The following SKI variants were observed in gnomAD, a reference collection of about 807,000 sequenced individuals.
The protein encoded by SKI is ski oncogene.
A neutral mutation model predicts 59.3 loss-of-function variants in SKI; 23 were observed. The observed-to-expected ratio is 0.39, with a 90% CI of 0.28 to 0.55. SKI has a LOEUF of 0.55. SKI is among the 20% of genes least tolerant of loss of function. SKI has a pLI of 0.67. For synonymous variants in SKI, 673 were observed against 488.6 expected, an observed-to-expected ratio of 1.38 and a Z score of -4.98; for missense variants, 1,017 against 1,038.9, an observed-to-expected ratio of 0.98 and a Z score of 0.29.
At chr1:2,302,093 C>T (rs763951729) in intron 1 of SKI, among the ~76,000 whole-genome samples, 6 of 152,230 alleles carry the variant, frequency 3.9e-5, no homozygotes, top group Admixed American at 6.5e-5. Context: ...CTGGATGTAC[C>T]GGCTCAGGCC....
At chr1:2,274,869 C>T (rs1437601259) in intron 1 of SKI, among the ~76,000 whole-genome samples, 4 of 152,254 alleles carry the variant, frequency 2.6e-5, no homozygotes, top group Non-Finnish European at 4.4e-5. Context: ...ACGGCCCCCT[C>T]CTGGCTTCTT....
chr1:2,271,577 C>T (rs535690361), intron 1 of SKI, among the ~76,000 whole-genome samples: 5 of 152,202 alleles, frequency 3.3e-5, no homozygotes, highest in Non-Finnish European at 7.4e-5. Context: ...CTGCCCCGGG[C>T]TGACCCCAGA....
chr1:2,304,055 A>G lies in SKI; in HGVS notation c.1427A>G (p.Glu476Gly). The G allele has an allele frequency of 6.2e-7, 1 of 1,612,558 alleles. No homozygotes were observed. The highest frequency in any genetic ancestry group is 1.1e-5 in the South Asian group (1 of 91,080). Reference protein sequence around the residue: ...ETLAPVAAPEEDKDSEAEVEV... With the variant: ...ETLAPVAAPEGDKDSEAEVEV... ...CTGGCGCCCGTGGCTGCCCCAGAGG[A>G]GGACAAGGACTCGGAGGCGGAGGTG... is the stretch of plus-strand genomic sequence containing the variant. Residue 476 changes from glutamate to glycine, a missense_variant, in exon 4 of 7, where the codon GAG becomes GGG. By Grantham distance (98) the Glu-to-Gly change is moderately conservative. Transcript: ENST00000378536.
intron 1 of SKI, among the ~76,000 whole-genome samples, chr1:2,298,736 G>A (rs1463417819): frequency 2.6e-5 from 4 of 152,204 alleles, no homozygotes; most frequent in East Asian, 1.9e-4. Context: ...AGACGTGGCC[G>A]ATCCTGGCTG....
chr1:2,289,008 G>A (rs998371874), intron 1 of SKI, among the ~76,000 whole-genome samples: 24 of 152,208 alleles, frequency 1.6e-4, no homozygotes, highest in Non-Finnish European at 3.2e-4. Flanking sequence ...TTCCCGAATC[G>A]CATGCACCTG....
chr1:2,230,828 T>C (rs1298805130), intron 1 of SKI, among the ~76,000 whole-genome samples: 1 of 152,198 alleles, frequency 6.6e-6, no homozygotes, highest in Non-Finnish European at 1.5e-5. Context: ...TTTTTTTTTC[T>C]AAATCTGTGA....
chr1:2,304,603 T>A lies in SKI; in HGVS notation c.1767+18T>A. The A allele has an allele frequency of 6.5e-7, 1 of 1,537,160 alleles. No individual in the cohort carries two copies. The highest frequency in any genetic ancestry group is 1.2e-5 in the South Asian group (1 of 82,706). On this transcript the variant is annotated intron_variant, in intron 5 of 6. Transcript: ENST00000378536. ...TCCACCAGGTGAGCGGGGCGAGTGG[T>A]GCTGGGAGGTCCAGGGCACGGGCAG... is the stretch of plus-strand genomic sequence containing the variant.
Position 2,303,623 on chromosome 1 carries a change from G to A in SKI, c.1212-217G>A, listed in dbSNP as rs1458760393. 15 of 711,262 alleles carry A rather than the reference G, an allele frequency of 2.1e-5. No homozygotes were observed. Among genetic ancestry groups the A allele is most frequent in the African/African-American group, 3.6e-5 (2 of 56,050 alleles). The allele number at this position is 711,262 out of a possible 1,614,324, so 44.1% of individuals were successfully genotyped here. ...GTGGGTGGAGCCCTGTCTGCTGGGC[G>A]CAGCTTCTTGATGTGTTGGCCTGTG... On this transcript the variant is annotated intron_variant, in intron 3 of 6. Coordinates refer to ENST00000378536, the MANE Select transcript of SKI (RefSeq NM_003036.4). The surrounding 1 kb of genome is among the most constrained non-coding windows in gnomAD (Gnocchi z 5.6).
In SKI at chr1:2,229,861, C is replaced by A; in HGVS notation, c.969+126C>A. On this transcript the variant is annotated intron_variant, in intron 1 of 6. Transcript: ENST00000378536. The surrounding 1 kb of genome is among the most constrained non-coding windows in gnomAD (Gnocchi z 6.3). ...TGCCGTGCCCCATGTCTCCAGTCTT[C>A]GCTTTGTTTTAGGGAAATTCAGAGT... 1.3e-6 allele frequency: 2 copies of A among 1,496,068 alleles called. No homozygotes were observed. The highest frequency in any genetic ancestry group is 2.5e-5 in the South Asian group (2 of 79,974). 92.7% of individuals were successfully genotyped at this position (1,496,068 alleles called of 1,614,324 possible).
At position 2,267,826 on chromosome 1, in the gene SKI, CA is replaced by C. The variant is rs1441707959; in HGVS notation, c.970-35151del. 2.0e-5 allele frequency among the ~76,000 whole-genome samples: 3 copies of C among 152,336 alleles called. No individual in the cohort carries two copies. Among genetic ancestry groups the C allele is most frequent in the Non-Finnish European group, 2.9e-5 (2 of 68,026 alleles). ...CACACGGTCTCCAAATGAGCAGGAA[CA>C]CCTTGCATGCCCTGCGAGATGTGTT... On this transcript the variant is annotated intron_variant, in intron 1 of 6. Coordinates refer to ENST00000378536, the MANE Select transcript of SKI (RefSeq NM_003036.4). This position sits in a 1 kb window ranked among gnomAD's most constrained non-coding sequence, Gnocchi z 4.1.
intron 1 of SKI, among the ~76,000 whole-genome samples, chr1:2,302,561 C>T (rs1640451491): frequency 6.6e-6 from 1 of 151,986 alleles, no homozygotes; most frequent in African/African-American, 2.4e-5. Flanking sequence ...GCGCTGGGCA[C>T]CCTCTGAGGA....
In SKI at chr1:2,306,974, C is replaced by T. The variant is rs1272676760; in HGVS notation, c.*209C>T. On this transcript the variant is annotated 3_prime_UTR_variant, in exon 7 of 7. Coordinates refer to ENST00000378536, the MANE Select transcript of SKI (RefSeq NM_003036.4). ...AAGTTCAAGTGAGTAAGCCGCGTCC[C>T]CCAACTACAGCTGGAGACGGGGCCA... 11 of 328,060 alleles carry T rather than the reference C, an allele frequency of 3.4e-5. No homozygotes were observed. The East Asian group carries it at 6.3e-4, about 19-fold the overall frequency. The allele number at this position is 328,060 out of a possible 1,614,324, so 20.3% of individuals were successfully genotyped here.
rs2100916031 is a variant in SKI at position 2,302,990 on chromosome 1, C to T, written c.982C>T (p.Pro328Ser). 1.9e-6 allele frequency: 3 copies of T among 1,613,582 alleles called. No homozygotes were observed. Among genetic ancestry groups the T allele is most frequent in the African/African-American group, 1.3e-5 (1 of 75,072 alleles). Residue 328 changes from proline (P) to serine (S), a missense_variant, in exon 2 of 7, where the codon CCT becomes TCT. Physicochemically the swap from Pro to Ser is moderately conservative, Grantham distance 74. Transcript: ENST00000378536. ...TCATTGATCGCAGGTCTCCTCTGAG[C>T]CTCCGGCCTCCATAAGACCCAAAAC... is the stretch of plus-strand genomic sequence containing the variant. The part of the protein sequence containing the change: ...KRRVPRVSSE[P>S]PASIRPKTDD...
rs114196827 is a variant in SKI at position 2,301,582 on chromosome 1, T to C, written c.970-1396T>C. Among the ~76,000 whole-genome samples the C allele has an allele frequency of 9.1e-3, 1,377 of 151,484 alleles. 25 individuals are homozygous for C. Among genetic ancestry groups the C allele is most frequent in the African/African-American group, 0.031 (1,273 of 41,254 alleles). On this transcript the variant is annotated intron_variant, in intron 1 of 6. Coordinates refer to ENST00000378536, the MANE Select transcript of SKI (RefSeq NM_003036.4). Reference sequence around the variant, plus strand: ...CCCCCAGGGCCCTCCATCCCCATAATTGGAGCACCTTGATGGACAGCCTGC... The same window carrying C: ...CCCCCAGGGCCCTCCATCCCCATAACTGGAGCACCTTGATGGACAGCCTGC...
chr1:2,297,774 G>C (rs538965581), intron 1 of SKI, among the ~76,000 whole-genome samples: 64 of 152,342 alleles, frequency 4.2e-4, no homozygotes, highest in Non-Finnish European at 7.1e-4. Flanking sequence ...GCCTGGTTGC[G>C]GATGCTGCAT....
chr1:2,291,302 C>CT (rs755204120), intron 1 of SKI, among the ~76,000 whole-genome samples: 52 of 152,360 alleles, frequency 3.4e-4, no homozygotes, highest in Non-Finnish European at 6.3e-4. Flanking sequence ...TTTTGCAGGG[C>CT]TGTGTGGCCA....
intron 1 of SKI, among the ~76,000 whole-genome samples, chr1:2,239,105 T>C (rs932577018): frequency 3.9e-5 from 6 of 152,230 alleles, no homozygotes; most frequent in African/African-American, 7.2e-5. Flanking sequence ...AAAAAAATTA[T>C]ACTACCAAGT....
rs1209522878 is a variant in SKI, at chr1:2,282,459, G to GA, written c.970-20519_970-20518insA. Among the ~76,000 whole-genome samples, 25 of 106,972 alleles carry GA rather than the reference G, an allele frequency of 2.3e-4. 1 individual carries two copies. Among genetic ancestry groups the GA allele is most frequent in the African/African-American group, 6.4e-4 (18 of 28,206 alleles). The allele number at this position is 106,972 out of a possible 152,430, so 70.2% of individuals were successfully genotyped here. A position where few individuals can be genotyped will look rare whatever the true frequency, so the allele number is the denominator to read the frequency against. ...GCGGTGGCGGAGATCTTCAGAGAGA[G>GA]GACGCCTGAGAAGACAGGCGGTGGT... On this transcript the variant is annotated intron_variant, in intron 1 of 6. Transcript: ENST00000378536.
At position 2,266,294 on chromosome 1, in the gene SKI, A is replaced by G. The variant is rs1182407994; in HGVS notation, c.969+36559A>G. Among the ~76,000 whole-genome samples, 6 of 152,174 alleles carry G rather than the reference A, an allele frequency of 3.9e-5. 1 individual carries two copies. The highest frequency in any genetic ancestry group is 3.9e-4 in the Admixed American group (6 of 15,298). ...CCAGCCTCGTGGAGTTTCTGCACAT[A>G]CATACTGTGATCTGGGGTCTGCGGA... On this transcript the variant is annotated intron_variant, in intron 1 of 6. Transcript: ENST00000378536.
Sources: allele counts gnomAD v4.1 joint callset (sites outside exome capture counted in the v4.1 genomes callset), GRCh38; gene constraint gnomAD v4.1.1; non-coding constraint Gnocchi (gnomAD v3.1); transcripts MANE v1.5; gene names NCBI Gene and HGNC (gene_info 2026-07-23, HGNC 2026-07-21).